KALRN: variants seen among roughly 807,000 people sequenced by gnomAD.
KALRN encodes kalirin.
Under a neutral mutation model 353.7 loss-of-function variants are expected in KALRN, and 70 were observed. The observed-to-expected ratio is 0.20, with a 90% CI of 0.16 to 0.24. The LOEUF is 0.24. Among genes scored for constraint, KALRN ranks in the 10% least tolerant of loss-of-function variants. The pLI is 1.00. For missense variants in KALRN, 2,791 were observed against 3,756.7 expected, an observed-to-expected ratio of 0.74 and a Z score of 6.72; for synonymous variants, 1,391 against 1,434.8, an observed-to-expected ratio of 0.97 and a Z score of 0.69.
chr3:124,445,889 C>A (rs933457327), intron 19 of KALRN, among the ~76,000 whole-genome samples: 1 of 152,222 alleles, frequency 6.6e-6, no homozygotes, highest in African/African-American at 2.4e-5. Context: ...GAATCGGGGT[C>A]ATTTGTAAGT....
chr3:124,277,890 T>C (rs192077938), intron 5 of KALRN, among the ~76,000 whole-genome samples: 1 of 152,284 alleles, frequency 6.6e-6, no homozygotes, highest in African/African-American at 2.4e-5. Flanking sequence ...AACTGAGAAC[T>C]AAGACACTGT....
Position 124,070,994 on chromosome 3 carries a change from T to C in KALRN, c.73+37181T>C, listed in dbSNP as rs77893576. Among the ~76,000 whole-genome samples, 3 of 3,278 alleles carry C rather than the reference T, an allele frequency of 9.2e-4. No homozygotes were observed. In the Admixed American group the frequency reaches 0.031, roughly 33 times the overall value. The allele number at this position is 3,278 out of a possible 152,430, so 2.2% of individuals were successfully genotyped here. The stretch of plus-strand genomic sequence containing the variant: ...CTTGTCTTGCTCCCTTCCACTGTCT[T>C]TTTTTTTTGTGTGTGTGCTGATGTC... On this transcript the variant is annotated intron_variant, in intron 1 of 59. Coordinates refer to ENST00000682506, the MANE Select transcript of KALRN (RefSeq NM_001388419.1).
intron 33 of KALRN, among the ~76,000 whole-genome samples, chr3:124,550,478 G>A (rs777446547): frequency 7.2e-5 from 11 of 152,114 alleles, no homozygotes; most frequent in Non-Finnish European, 1.2e-4. Context: ...GCCACCTACT[G>A]TATGCAATTT....
At chr3:124,264,449 A>C (rs1340640176) in intron 3 of KALRN, 49 bp from the exon 4 acceptor site, 9 of 1,560,544 alleles carry the variant, frequency 5.8e-6, no homozygotes, top group Non-Finnish European at 7.0e-6. Flanking sequence ...GTGTACTCCA[A>C]AGTCTCAGCT....
chr3:124,073,465 GAT>G (rs1387092516), intron 1 of KALRN, among the ~76,000 whole-genome samples: 2 of 152,326 alleles, frequency 1.3e-5, no homozygotes, highest in East Asian at 3.9e-4. Flanking sequence ...TGTGCAAAAA[GAT>G]ACTATAGGGA....
At chr3:124,552,861 G>T (rs2070719708) in intron 33 of KALRN, among the ~76,000 whole-genome samples, 1 of 152,122 alleles carries the variant, frequency 6.6e-6, no homozygotes, top group Non-Finnish European at 1.5e-5. Context: ...CGCCTCCCAG[G>T]TTCAAGTGAT....
At chr3:124,568,473 A>G (rs1013318989) in intron 34 of KALRN, among the ~76,000 whole-genome samples, 4 of 152,240 alleles carry the variant, frequency 2.6e-5, no homozygotes, top group Non-Finnish European at 1.5e-5. Context: ...AAATAAGATT[A>G]TCATATCATC....
chr3:124,409,085 A>C (rs901722283), intron 13 of KALRN, among the ~76,000 whole-genome samples: 3 of 152,188 alleles, frequency 2.0e-5, no homozygotes, highest in African/African-American at 7.2e-5. Context: ...AATTGTTAGA[A>C]TAGAAATATT....
At chr3:124,252,816 GCACAGGGAGCCC>G (rs1426017570) in intron 3 of KALRN, among the ~76,000 whole-genome samples, 1 of 152,196 alleles carries the variant, frequency 6.6e-6, no homozygotes, top group African/African-American at 2.4e-5. Context: ...CGCATGAGCA[GCACAGGGAGCCC>G]CACCACCTCT....
chr3:124,519,168 T>A (rs1023682772), intron 33 of KALRN: 9 of 985,272 alleles, frequency 9.1e-6, no homozygotes, highest in Non-Finnish European at 1.1e-5. Flanking sequence ...AGCCCCTATT[T>A]GCTTCAGGTT....
At chr3:124,697,324 G>A (rs1270416696) in intron 54 of KALRN, among the ~76,000 whole-genome samples, 2 of 152,168 alleles carry the variant, frequency 1.3e-5, no homozygotes, top group Non-Finnish European at 2.9e-5. Context: ...GCTGTCTGTG[G>A]CCTACCATAA....
intron 10 of KALRN, among the ~76,000 whole-genome samples, chr3:124,375,918 C>A (rs889683842): frequency 2.6e-5 from 4 of 152,118 alleles, no homozygotes; most frequent in African/African-American, 4.8e-5. Context: ...CTATAATTTT[C>A]TCAGAATTTC....
At position 124,482,821 on chromosome 3, in the gene KALRN, G is replaced by T. The variant is rs200295956; in HGVS notation, c.4205G>T (p.Arg1402Leu). The T allele has an allele frequency of 4.3e-6, 7 of 1,611,662 alleles. No individual in the cohort carries two copies. Among genetic ancestry groups the T allele is most frequent in the Non-Finnish European group, 5.9e-6 (7 of 1,177,920 alleles). ...TCATCCCTGCAGGAGATACAACAGC[G>T]GCATGGTCTGGCCAACTCCATCTCT... is the stretch of plus-strand genomic sequence containing the variant. ...AGTFFDEIQQ[R>L]HGLANSISSY... Residue 1402 changes from arginine (R) to leucine (L), a missense_variant, in exon 28 of 60, where the codon CGG becomes CTG. By Grantham distance (102) the Arg-to-Leu change is moderately radical. Coordinates refer to ENST00000682506, the MANE Select transcript of KALRN (RefSeq NM_001388419.1).
At chr3:124,040,762 G>T (rs1305175166) in intron 1 of KALRN, among the ~76,000 whole-genome samples, 2 of 152,154 alleles carry the variant, frequency 1.3e-5, no homozygotes, top group African/African-American at 2.4e-5. Flanking sequence ...AGCATCTAGT[G>T]GTCTCTGACA....
chr3:124,293,836 T>C (rs1231999174), intron 5 of KALRN, among the ~76,000 whole-genome samples: 2 of 152,234 alleles, frequency 1.3e-5, no homozygotes, highest in African/African-American at 4.8e-5. Context: ...TTTGGAGATA[T>C]TTTTAGTTTA....
intron 51 of KALRN, among the ~76,000 whole-genome samples, chr3:124,693,407 T>C (rs948652670): frequency 1.3e-5 from 2 of 152,146 alleles, no homozygotes; most frequent in African/African-American, 4.8e-5. Context: ...TTTGAGTTTA[T>C]GATGCTAGGA....
rs1228177205 is a variant in KALRN, at chr3:124,271,352, A to G, written c.969+2097A>G. On this transcript the variant is annotated intron_variant, in intron 5 of 59. Transcript: ENST00000682506. ...AGGACATGGGAAGCCTGCATAGGGCACAGATAGTGCCTGTCTGAAAAACCA... is the reference window on the plus strand; with the variant it reads ...AGGACATGGGAAGCCTGCATAGGGCGCAGATAGTGCCTGTCTGAAAAACCA... Among the ~76,000 whole-genome samples the G allele has an allele frequency of 4.6e-5, 7 of 152,268 alleles. No homozygotes were observed. In the East Asian group the frequency reaches 1.4e-3, roughly 29 times the overall value.
At position 124,326,078 on chromosome 3, in the gene KALRN, G is replaced by C; in HGVS notation, c.1191G>C (p.Gln397His). The part of the protein sequence containing the change: ...ASQQIKQIST[Q>H]LDQEWKSFAA... ...AACAAATCAAGCAGATCTCCACCCA[G>C]CTGGACCAGGAGTGGAAGAGCTTCG... is the stretch of plus-strand genomic sequence containing the variant. Residue 397 changes from glutamine (Q) to histidine (H), a missense_variant, in exon 7 of 60, where the codon CAG becomes CAC. Around this residue, in one of 11 missense-constraint regions of KALRN, gnomAD observed 366 missense variants for 489.2 expected, o/e 0.75. Coordinates refer to ENST00000682506, the MANE Select transcript of KALRN (RefSeq NM_001388419.1). The C allele has an allele frequency of 6.2e-7, 1 of 1,613,874 alleles. No individual in the cohort carries two copies. Among genetic ancestry groups the C allele is most frequent in the Non-Finnish European group, 8.5e-7 (1 of 1,179,858 alleles).
At chr3:124,332,733 G>C (rs2080718007) in intron 8 of KALRN, among the ~76,000 whole-genome samples, 1 of 152,172 alleles carries the variant, frequency 6.6e-6, no homozygotes, top group African/African-American at 2.4e-5. Context: ...TGTGTCCACT[G>C]TCTAAGTGTC....
Sources: allele counts gnomAD v4.1 joint callset (sites outside exome capture counted in the v4.1 genomes callset), GRCh38; gene constraint gnomAD v4.1.1; regional missense constraint gnomAD v4.1.1; transcripts MANE v1.5; gene names NCBI Gene and HGNC (gene_info 2026-07-23, HGNC 2026-07-21).